SCML4: variants seen among roughly 807,000 people sequenced by gnomAD.
The protein encoded by SCML4 is Scm polycomb group protein like 4.
In SCML4, 34 loss-of-function variants were observed where a neutral mutation model predicts 41.1. The observed-to-expected ratio is 0.83, with a 90% confidence interval of 0.63 to 1.10. The LOEUF (loss-of-function observed/expected upper bound fraction) is 1.10. SCML4 is among the 50% of genes least tolerant of loss of function. The probability of loss-of-function intolerance (pLI) is 0.00; values close to 1 mark genes in which losing one functional copy is unlikely to be tolerated. For synonymous variants in SCML4, 214 were observed against 220.9 expected (o/e 0.97, Z 0.28); for missense variants, 522 against 534.1 (o/e 0.98, Z 0.22).
chr6:107,715,808 G>T (rs547994729), intron 6 of SCML4, among the ~76,000 whole-genome samples: 1 of 152,308 alleles, frequency 6.6e-6, no homozygotes, highest in Non-Finnish European at 1.5e-5. Flanking sequence ...GCAGCCTCAT[G>T]CAGTTTTCTG....
chr6:107,745,178 G>C, intron 4 of SCML4, 35 bp from the exon 5 acceptor site: 4 of 1,474,284 alleles, frequency 2.7e-6, no homozygotes, highest in Non-Finnish European at 3.6e-6. Context: ...TTAGAGCCGG[G>C]CACTGGAGAA....
chr6:107,829,790 T>C, the SCML4 span, among the ~76,000 whole-genome samples: 1 of 150,992 alleles, frequency 6.6e-6, no homozygotes, highest in Admixed American at 6.6e-5. Flanking sequence ...ATATTGGTTC[T>C]ATTAAAAAAA....
chr6:107,806,766 G>T (rs10872019), intron 1 of SCML4, among the ~76,000 whole-genome samples: 63,905 of 152,112 alleles, frequency 0.42, 16,258 homozygotes, highest in East Asian at 0.7. Flanking sequence ...GAGGATGGAG[G>T]TTTAGTGTGG....
intron 2 of SCML4, among the ~76,000 whole-genome samples, chr6:107,755,971 T>C (rs2114525407): frequency 6.6e-6 from 1 of 152,250 alleles, no homozygotes; most frequent in South Asian, 2.1e-4. Flanking sequence ...AACAAATAAA[T>C]AATGTAGTAA....
At chr6:107,731,552 A>C (rs192995969) in intron 5 of SCML4, among the ~76,000 whole-genome samples, 1 of 152,062 alleles carries the variant, frequency 6.6e-6, no homozygotes, top group Non-Finnish European at 1.5e-5. Flanking sequence ...CCCTTTCCAC[A>C]ATCAGCACGA....
At chr6:107,731,022 C>T (rs534792267) in intron 5 of SCML4, among the ~76,000 whole-genome samples, 15 of 152,234 alleles carry the variant, frequency 9.9e-5, no homozygotes, top group African/African-American at 3.1e-4. Context: ...TCCAGGACAC[C>T]CAGGTGCAGC....
At chr6:107,741,755 G>A (rs1777616431) in intron 5 of SCML4, among the ~76,000 whole-genome samples, 1 of 152,244 alleles carries the variant, frequency 6.6e-6, no homozygotes, top group Admixed American at 6.5e-5. Flanking sequence ...AAGGTGCCAT[G>A]TAGAGCCAAA....
intron 1 of SCML4, among the ~76,000 whole-genome samples, chr6:107,777,954 C>T (rs1299026919): frequency 6.6e-6 from 1 of 151,880 alleles, no homozygotes; most frequent in Non-Finnish European, 1.5e-5. Flanking sequence ...GTGGCTCACA[C>T]CTGTCATCCC....
At chr6:107,792,721 ACT>A (rs1782427807) in intron 1 of SCML4, among the ~76,000 whole-genome samples, 3 of 147,806 alleles carry the variant, frequency 2.0e-5, no homozygotes, top group African/African-American at 7.8e-5. Context: ...ACAGGGAGAG[ACT>A]CTGTCTCAAA....
the SCML4 span, among the ~76,000 whole-genome samples, chr6:107,839,410 AGG>A: frequency 1.4e-5 from 2 of 145,988 alleles, no homozygotes; most frequent in African/African-American, 5.5e-5. Context: ...AGAAAGAAAG[AGG>A]AAGAAGAGAG....
At chr6:107,802,601 A>C in intron 1 of SCML4, among the ~76,000 whole-genome samples, 1 of 135,928 alleles carries the variant, frequency 7.4e-6, no homozygotes, top group African/African-American at 2.8e-5. Context: ...GAAGGAAGGA[A>C]GGAAGGAAGG....
rs1440459745 is a variant in SCML4, at chr6:107,772,267, T to C, written c.61A>G (p.Met21Val). ...TAAAGGTTATGAACTGCCATCTTCATAGGCGTGGAGTGAAGTGAGGGTCGG... is the reference window on the plus strand; with the variant it reads ...TAAAGGTTATGAACTGCCATCTTCACAGGCGTGGAGTGAAGTGAGGGTCGG... ...RGRPSLHSTP[M>V]KMAVHNLYSA... Residue 21 changes from methionine (M) to valine (V), a missense_variant, in exon 2 of 8, where the codon ATG (methionine) becomes GTG (valine). Transcript: ENST00000369020. 11 of 1,551,664 alleles carry C rather than the reference T, an allele frequency of 7.1e-6. No individual in the cohort carries two copies. In the Admixed American group the frequency reaches 1.4e-4, roughly 19 times the overall value.
At chr6:107,772,628 C>T (rs757280703) in intron 1 of SCML4, among the ~76,000 whole-genome samples, 4 of 152,124 alleles carry the variant, frequency 2.6e-5, no homozygotes, top group Non-Finnish European at 5.9e-5. Flanking sequence ...AGGGAAGATA[C>T]TGGCTAGGCA....
the SCML4 span, among the ~76,000 whole-genome samples, chr6:107,831,523 C>T: frequency 6.6e-6 from 1 of 151,784 alleles, no homozygotes; most frequent in East Asian, 1.9e-4. Flanking sequence ...ATGATAAACC[C>T]ACATGAGCTA....
intron 1 of SCML4, among the ~76,000 whole-genome samples, chr6:107,788,395 T>C (rs1362970949): frequency 6.6e-6 from 1 of 152,238 alleles, no homozygotes; most frequent in African/African-American, 2.4e-5. Flanking sequence ...CCCTGTGTGA[T>C]ACAAATTACT....
At chr6:107,740,618 T>C (rs1777507690) in intron 5 of SCML4, among the ~76,000 whole-genome samples, 1 of 152,320 alleles carries the variant, frequency 6.6e-6, no homozygotes, top group Admixed American at 6.5e-5. Context: ...TCTTAGATCC[T>C]TTCCACAGGG....
At chr6:107,737,191 C>A (rs1329465746) in intron 5 of SCML4, among the ~76,000 whole-genome samples, 1 of 152,154 alleles carries the variant, frequency 6.6e-6, no homozygotes, top group African/African-American at 2.4e-5. Flanking sequence ...GATGCAGAGT[C>A]CTGCAATATA....
intron 2 of SCML4, among the ~76,000 whole-genome samples, chr6:107,760,921 T>C (rs1190837271): frequency 1.3e-5 from 2 of 152,078 alleles, no homozygotes; most frequent in Non-Finnish European, 1.5e-5. Flanking sequence ...AAGAAGCAAA[T>C]TGAATTTTTA....
At chr6:107,823,571 G>C (rs575194671) in intron 1 of SCML4, among the ~76,000 whole-genome samples, 94 of 151,900 alleles carry the variant, frequency 6.2e-4, no homozygotes, top group African/African-American at 2.0e-3. Flanking sequence ...CATAAATTAG[G>C]AAAAACCAGC....
Sources: allele counts gnomAD v4.1 joint callset (sites outside exome capture counted in the v4.1 genomes callset), GRCh38; gene constraint gnomAD v4.1.1; transcripts MANE v1.5; gene names NCBI Gene and HGNC (gene_info 2026-07-23, HGNC 2026-07-21).